Variants in GRIP1 observed in about 807,000 individuals in gnomAD.
GRIP1 encodes glutamate receptor-interacting protein 1.
In GRIP1, 45 loss-of-function variants were observed where a neutral mutation model predicts 129.9. The observed-to-expected ratio is 0.35, with a 90% confidence interval of 0.27 to 0.44. The LOEUF (loss-of-function observed/expected upper bound fraction) is 0.44, where lower values mean the gene tolerates loss of function less well. Ranked by LOEUF, GRIP1 falls within the 20% of genes least tolerant of loss-of-function variation. GRIP1 has a pLI of 1.00. For missense variants in GRIP1, 1,196 were observed against 1,396.8 expected (o/e 0.86, Z 2.29); for synonymous variants, 530 against 520.8 (o/e 1.02, Z -0.24).
chr12:66,475,237 A>G (rs1288919299), intron 7 of GRIP1, among the ~76,000 whole-genome samples: 10 of 152,254 alleles, frequency 6.6e-5, no homozygotes, highest in Non-Finnish European at 2.9e-5. Context: ...AAAGAAGGCC[A>G]TTACATAATG....
At chr12:66,379,551 T>G in intron 19 of GRIP1, 115 bp from the exon 20 acceptor site, 2 of 1,010,976 alleles carry the variant, frequency 2.0e-6, no homozygotes, top group Non-Finnish European at 3.2e-6. Context: ...ATAACAATAG[T>G]GAACACATAG....
intron 14 of GRIP1, among the ~76,000 whole-genome samples, chr12:66,421,739 A>T (rs1278393473): frequency 6.6e-6 from 1 of 151,214 alleles, no homozygotes; most frequent in Non-Finnish European, 1.5e-5. Flanking sequence ...AAACATGTAC[A>T]TGTAATTTTA....
intron 7 of GRIP1, among the ~76,000 whole-genome samples, chr12:66,476,917 TATC>T (rs1443354436): frequency 2.0e-5 from 3 of 152,144 alleles, no homozygotes; most frequent in Non-Finnish European, 4.4e-5. Context: ...CCACAGCCAA[TATC>T]ATACTGAATG....
chr12:66,447,678 C>G (rs554677317), intron 11 of GRIP1, among the ~76,000 whole-genome samples: 23 of 152,096 alleles, frequency 1.5e-4, no homozygotes, highest in Non-Finnish European at 2.4e-4. Flanking sequence ...CTTTCCACCC[C>G]CCATGATTTT....
chr12:66,545,263 T>C (rs2061913054), intron 2 of GRIP1, among the ~76,000 whole-genome samples: 1 of 152,218 alleles, frequency 6.6e-6, no homozygotes, highest in South Asian at 2.1e-4. Context: ...TTTAGTTGTT[T>C]GCTGTTTTTC....
At chr12:66,516,996 A>G (rs1019996628) in intron 6 of GRIP1, among the ~76,000 whole-genome samples, 2 of 152,192 alleles carry the variant, frequency 1.3e-5, no homozygotes, top group Admixed American at 6.5e-5. Context: ...ATAAAATAAG[A>G]TAATGTCCAC....
rs1346088043 is a variant in GRIP1 at position 66,477,134 on chromosome 12, G to A, written c.725-11712C>T. 1.2e-4 allele frequency among the ~76,000 whole-genome samples: 19 copies of A among 152,156 alleles called. No individual in the cohort carries two copies. In the East Asian group the frequency reaches 2.1e-3, roughly 17 times the overall value. On this transcript the variant is annotated intron_variant, in intron 7 of 24. Transcript: ENST00000359742. ...GATTGTATATTTAGAAAACCCCATC[G>A]TCTCAGCCCAAAATCTCCTTAAGCT... is the stretch of plus-strand genomic sequence containing the variant.
At chr12:66,977,894 C>A (rs1355068990) in intron 1 of GRIP1, among the ~76,000 whole-genome samples, 1 of 145,444 alleles carries the variant, frequency 6.9e-6, no homozygotes, top group Admixed American at 7.0e-5. Flanking sequence ...CTCTCTACAG[C>A]CTTGAACTCC....
intron 7 of GRIP1, among the ~76,000 whole-genome samples, chr12:66,513,112 T>C (rs1345734573): frequency 1.3e-5 from 2 of 152,114 alleles, no homozygotes; most frequent in Non-Finnish European, 2.9e-5. Flanking sequence ...TCTTCACTGA[T>C]GTTTGACTAT....
chr12:66,814,340 G>C (rs2136961568), intron 1 of GRIP1, among the ~76,000 whole-genome samples: 1 of 152,020 alleles, frequency 6.6e-6, no homozygotes, highest in African/African-American at 2.4e-5. Context: ...AAATTTAAAT[G>C]TATTGTTATT....
chr12:66,697,865 C>T (rs916348942), intron 1 of GRIP1, among the ~76,000 whole-genome samples: 4 of 152,146 alleles, frequency 2.6e-5, no homozygotes, highest in African/African-American at 9.7e-5. Flanking sequence ...TGGCTCTAAT[C>T]AGCAAATGCA....
At chr12:66,630,665 T>C (rs1314364513) in intron 1 of GRIP1, among the ~76,000 whole-genome samples, 1 of 152,188 alleles carries the variant, frequency 6.6e-6, no homozygotes, top group East Asian at 1.9e-4. Flanking sequence ...GGCATGGACA[T>C]GAGGGCAGTG....
chr12:67,003,924 C>T (rs1385888123), intron 1 of GRIP1, among the ~76,000 whole-genome samples: 5 of 152,134 alleles, frequency 3.3e-5, no homozygotes, highest in East Asian at 1.9e-4. Context: ...CACTGGGCCA[C>T]GTTCCTTCCA....
intron 1 of GRIP1, among the ~76,000 whole-genome samples, chr12:66,956,352 G>A (rs1431542403): frequency 1.3e-5 from 2 of 152,138 alleles, no homozygotes; most frequent in Non-Finnish European, 2.9e-5. Context: ...TTGGAGTGTG[G>A]TGAGGTAAAT....
At chr12:66,711,910 C>T (rs920668632) in intron 1 of GRIP1, among the ~76,000 whole-genome samples, 6 of 151,672 alleles carry the variant, frequency 4.0e-5, no homozygotes, top group Admixed American at 6.6e-5. Flanking sequence ...TTAGTTGGTA[C>T]GAAAAGAATC....
At chr12:66,716,313 A>T (rs1250981664) in intron 1 of GRIP1, among the ~76,000 whole-genome samples, 1 of 151,898 alleles carries the variant, frequency 6.6e-6, no homozygotes, top group Non-Finnish European at 1.5e-5. Flanking sequence ...TGTTTTGATG[A>T]TTGGTTTCCT....
intron 1 of GRIP1, among the ~76,000 whole-genome samples, chr12:66,983,576 T>C (rs1252204824): frequency 1.3e-5 from 2 of 152,210 alleles, no homozygotes; most frequent in Non-Finnish European, 2.9e-5. Context: ...TGCATCTTGA[T>C]AAAGCTTTTT....
At chr12:66,885,560 T>C (rs1348103849) in intron 1 of GRIP1, among the ~76,000 whole-genome samples, 2 of 150,040 alleles carry the variant, frequency 1.3e-5, no homozygotes, top group South Asian at 2.1e-4. Flanking sequence ...GACAGGCCTA[T>C]GCTAAGATCA....
chr12:67,055,839 G>T (rs571256921), intron 1 of GRIP1, among the ~76,000 whole-genome samples: 59 of 152,236 alleles, frequency 3.9e-4, no homozygotes, highest in African/African-American at 1.4e-3. Context: ...GCTGGTCTGG[G>T]GTGTGTCTAC....
Sources: allele counts gnomAD v4.1 joint callset (sites outside exome capture counted in the v4.1 genomes callset), GRCh38; gene constraint gnomAD v4.1.1; transcripts MANE v1.5; gene names NCBI Gene and HGNC (gene_info 2026-07-23, HGNC 2026-07-21).